Variants in NCALD observed in about 807,000 individuals in gnomAD.
The protein encoded by NCALD is neurocalcin delta.
NCALD carries 10 observed loss-of-function variants against 18.6 expected under a neutral mutation model. The observed-to-expected ratio is 0.54, with a 90% CI of 0.33 to 0.91. The LOEUF is 0.91. Among genes scored for constraint, NCALD ranks in the 40% least tolerant of loss-of-function variants. The pLI, the probability that NCALD is intolerant of heterozygous loss-of-function variation, is 0.03. For synonymous variants in NCALD, 88 were observed against 87.4 expected (o/e 1.01, Z -0.04); for missense variants, 184 against 247.6 (o/e 0.74, Z 1.72).
At chr8:101,952,522 A>C (rs16868791) in intron 2 of NCALD, among the ~76,000 whole-genome samples, 23,637 of 152,018 alleles carry the variant, frequency 0.16, 1,899 homozygotes, top group East Asian at 0.27. Context: ...CTCCTGGGAG[A>C]ATCATTTCCA....
intron 3 of NCALD, among the ~76,000 whole-genome samples, chr8:101,894,118 C>T (rs1817039889): frequency 6.9e-6 from 1 of 144,188 alleles, no homozygotes. Context: ...GGAAGTAAAG[C>T]TCTCCTCAGC....
At chr8:102,055,424 C>T (rs1164331398) in intron 1 of NCALD, among the ~76,000 whole-genome samples, 2 of 152,102 alleles carry the variant, frequency 1.3e-5, no homozygotes, top group African/African-American at 2.4e-5. Context: ...GAGAAGAAAG[C>T]CCCTAGAACA....
At chr8:101,858,211 A>C (rs1586643839) in intron 4 of NCALD, among the ~76,000 whole-genome samples, 1 of 152,304 alleles carries the variant, frequency 6.6e-6, no homozygotes, top group East Asian at 1.9e-4. Flanking sequence ...GAAGAGAGAT[A>C]TCAACAAAAT....
In NCALD at chr8:101,850,680, G is replaced by A. The variant is rs528877536; in HGVS notation, c.-20+36461C>T. Among the ~76,000 whole-genome samples, 4 of 152,120 alleles carry A rather than the reference G, an allele frequency of 2.6e-5. No homozygotes were observed. The South Asian group carries it at 8.3e-4, about 32-fold the overall frequency. ...TGGAACAACTTTTACTGTGTTGTAT[G>A]TTTACTTTCTCATGACGTATCCTTA... On this transcript the variant is annotated intron_variant, in intron 4 of 6. Coordinates refer to the NCALD transcript ENST00000311028.
At chr8:102,027,356 T>C (rs1822496272) in intron 1 of NCALD, among the ~76,000 whole-genome samples, 1 of 152,304 alleles carries the variant, frequency 6.6e-6, no homozygotes, top group South Asian at 2.1e-4. Flanking sequence ...ATCATCTCTC[T>C]CAAGTTCAAA....
chr8:102,123,526 T>TA (rs1826007209), intron 1 of NCALD, among the ~76,000 whole-genome samples: 1 of 150,918 alleles, frequency 6.6e-6, no homozygotes, highest in Admixed American at 6.6e-5. Context: ...CCCGGGCTGA[T>TA]ACAACCCACT....
chr8:102,103,831 A>G (rs1825363325), intron 1 of NCALD, among the ~76,000 whole-genome samples: 1 of 152,232 alleles, frequency 6.6e-6, no homozygotes, highest in Non-Finnish European at 1.5e-5. Context: ...ATTTTGGCAT[A>G]TGAGGGGACT....
At chr8:102,095,983 G>A (rs1825080397) in intron 1 of NCALD, among the ~76,000 whole-genome samples, 2 of 152,130 alleles carry the variant, frequency 1.3e-5, no homozygotes, top group Non-Finnish European at 2.9e-5. Flanking sequence ...AGCCCTAAAG[G>A]TCCTGCATCC....
chr8:101,733,024 T>C (rs1816912465), intron 1 of NCALD, among the ~76,000 whole-genome samples: 2 of 152,118 alleles, frequency 1.3e-5, no homozygotes, highest in South Asian at 4.1e-4. Flanking sequence ...CCATGATAAA[T>C]TCATGCAACT....
At chr8:101,795,710 A>T (rs1812614331), upstream of NCALD, among the ~76,000 whole-genome samples, 1 of 152,166 alleles carries the variant, frequency 6.6e-6, no homozygotes, top group African/African-American at 2.4e-5. Context: ...TGCATTTCCC[A>T]CTGCTTTTCT....
chr8:102,074,637 C>T (rs1824283614), intron 1 of NCALD, among the ~76,000 whole-genome samples: 1 of 152,280 alleles, frequency 6.6e-6, no homozygotes, highest in South Asian at 2.1e-4. Context: ...TCAACCCTGA[C>T]TGCACTTGAT....
At chr8:102,043,713 G>A (rs1193675087) in intron 1 of NCALD, among the ~76,000 whole-genome samples, 1 of 149,666 alleles carries the variant, frequency 6.7e-6, no homozygotes, top group Non-Finnish European at 1.5e-5. Flanking sequence ...GAAGGGGCAG[G>A]GGACAGGGAG....
chr8:101,789,409 G>C (rs1225761788), intron 1 of NCALD, among the ~76,000 whole-genome samples: 1 of 152,134 alleles, frequency 6.6e-6, no homozygotes, highest in Non-Finnish European at 1.5e-5. Flanking sequence ...AAACAGACAT[G>C]TCAAATGCCA....
Position 101,689,065 on chromosome 8 carries a change from A to C in NCALD, c.*244T>G. The stretch of plus-strand genomic sequence containing the variant: ...AAAAAAATAATAGTAACGATTAAAA[A>C]TCATCAAACAATGAACACCACGAAG... On this transcript the variant is annotated 3_prime_UTR_variant, in exon 4 of 4. Coordinates refer to ENST00000220931, the MANE Select transcript of NCALD (RefSeq NM_032041.3). The surrounding 1 kb of genome is among the most constrained non-coding windows in gnomAD (Gnocchi z 4.4). The C allele has an allele frequency of 1.4e-6, 1 of 702,576 alleles. No homozygotes were observed. The highest frequency in any genetic ancestry group is 2.6e-6 in the Non-Finnish European group (1 of 384,976). The allele number at this position is 702,576 out of a possible 1,614,324, so 43.5% of individuals were successfully genotyped here.
chr8:102,082,213 TGAGAAGCTCTC>T (rs1824563430), intron 1 of NCALD, among the ~76,000 whole-genome samples: 1 of 149,630 alleles, frequency 6.7e-6, no homozygotes, highest in Non-Finnish European at 1.5e-5. Context: ...GGCAGTTATT[TGAGAAGCTCTC>T]TCTTTTTTTT....
At chr8:102,012,400 C>T (rs2132070128) in intron 2 of NCALD, among the ~76,000 whole-genome samples, 1 of 152,360 alleles carries the variant, frequency 6.6e-6, no homozygotes, top group South Asian at 2.1e-4. Context: ...GCTGTCAACT[C>T]CAACTCCCGG....
intron 2 of NCALD, among the ~76,000 whole-genome samples, chr8:101,958,037 CAA>C (rs1819700432): frequency 6.6e-6 from 1 of 152,168 alleles, no homozygotes; most frequent in Admixed American, 6.5e-5. Flanking sequence ...GCTCAGGGTT[CAA>C]ACTCTGATGG....
At chr8:102,088,012 A>G (rs941185134) in intron 1 of NCALD, among the ~76,000 whole-genome samples, 2 of 152,348 alleles carry the variant, frequency 1.3e-5, no homozygotes, top group Admixed American at 1.3e-4. Flanking sequence ...TTGTGAGGCT[A>G]ATCTTAAGCT....
intron 1 of NCALD, among the ~76,000 whole-genome samples, chr8:102,022,996 G>T (rs1294777848): frequency 6.6e-6 from 1 of 152,122 alleles, no homozygotes; most frequent in Non-Finnish European, 1.5e-5. Flanking sequence ...CCTCCCTTCA[G>T]TGGCAACCAA....
Sources: gnomAD v4.1 joint callset for allele counts (sites outside exome capture counted in the v4.1 genomes callset) on GRCh38, gnomAD v4.1.1 for gene constraint, Gnocchi (gnomAD v3.1) non-coding constraint, MANE v1.5 for transcripts, NCBI Gene and HGNC (gene_info 2026-07-23, HGNC 2026-07-21) for gene names.